Variants in PIEZO2 observed in about 807,000 individuals in gnomAD.
PIEZO2 encodes piezo type mechanosensitive ion channel component 2, also known as piezo-type mechanosensitive ion channel component 2.
A neutral mutation model predicts 337.3 loss-of-function variants in PIEZO2; 172 were observed. The ratio of observed to expected loss-of-function variants is 0.51; its 90% CI spans 0.45 to 0.58. The LOEUF is 0.58. PIEZO2 is among the 20% of genes least tolerant of loss of function. The pLI is 0.00. For missense variants in PIEZO2, 3,028 were observed against 3,391.3 expected, an observed-to-expected ratio of 0.89 and a Z score of 2.66; for synonymous variants, 1,251 against 1,228.5, an observed-to-expected ratio of 1.02 and a Z score of -0.38.
At chr18:11,071,953 CG>C (rs1485437249) in intron 1 of PIEZO2, among the ~76,000 whole-genome samples, 1 of 151,202 alleles carries the variant, frequency 6.6e-6, no homozygotes, top group Non-Finnish European at 1.5e-5. Context: ...GCCCATCCTG[CG>C]CTCCATGCTA....
intron 3 of PIEZO2, among the ~76,000 whole-genome samples, chr18:10,936,941 C>T (rs1316293927): frequency 6.6e-6 from 1 of 152,116 alleles, no homozygotes; most frequent in Non-Finnish European, 1.5e-5. Context: ...GTGAATCCCC[C>T]CATGACTTCT....
intron 51 of PIEZO2, 98 bp from the exon 52 acceptor site, chr18:10,680,469 G>T (rs1399775243): frequency 3.4e-6 from 4 of 1,168,662 alleles, no homozygotes; most frequent in African/African-American, 1.5e-5. Flanking sequence ...TATGGAAAAG[G>T]TTTCTCCCTT....
At chr18:10,723,639 T>C (rs904127052) in intron 36 of PIEZO2, among the ~76,000 whole-genome samples, 20 of 152,116 alleles carry the variant, frequency 1.3e-4, no homozygotes, top group African/African-American at 4.3e-4. Flanking sequence ...AGGGAGTTGC[T>C]GACCAGACAA....
chr18:10,834,511 G>C lies in PIEZO2; in HGVS notation c.917+20842C>G, dbSNP rs4797486. 0.36 allele frequency among the ~76,000 whole-genome samples: 54,499 copies of C among 152,036 alleles called. 10,471 individuals are homozygous for C. Among genetic ancestry groups the C allele is most frequent in the East Asian group, 0.63 (3,233 of 5,148 alleles). Reference sequence around the variant, plus strand: ...GCCGGCTTCCCCTTTAATCCCTCATGATGGAGTCACAGAGTCTTTTTGGGA... The same window carrying C: ...GCCGGCTTCCCCTTTAATCCCTCATCATGGAGTCACAGAGTCTTTTTGGGA... On this transcript the variant is annotated intron_variant, in intron 7 of 55. Transcript: ENST00000674853. The surrounding 1 kb of genome is among the most constrained non-coding windows in gnomAD (Gnocchi z 4.5).
chr18:10,955,055 C>T (rs2033457875), intron 3 of PIEZO2, among the ~76,000 whole-genome samples: 1 of 151,916 alleles, frequency 6.6e-6, no homozygotes, highest in African/African-American at 2.4e-5. Context: ...GAAAGAGGGG[C>T]ACAAAAGGAA....
chr18:10,987,493 A>AAAGT (rs1568269321), intron 2 of PIEZO2, among the ~76,000 whole-genome samples: 1 of 152,104 alleles, frequency 6.6e-6, no homozygotes, highest in African/African-American at 2.4e-5. Flanking sequence ...GTATTGGGAA[A>AAAGT]ATTGGATTAC....
At chr18:10,705,236 AC>A (rs2035526339) in intron 41 of PIEZO2, 99 bp downstream of exon 41, 1 of 1,378,172 alleles carries the variant, frequency 7.3e-7, no homozygotes. Flanking sequence ...GTCCAGATGA[AC>A]TTTTTTCTAT....
chr18:10,780,200 A>G (rs2038930408), intron 18 of PIEZO2, 125 bp downstream of exon 18: 2 of 657,046 alleles, frequency 3.0e-6, no homozygotes, highest in Non-Finnish European at 5.6e-6. Context: ...TACATCCATG[A>G]GCATACCTGA....
At chr18:10,924,185 T>C (rs558325479) in intron 3 of PIEZO2, among the ~76,000 whole-genome samples, 28 of 152,278 alleles carry the variant, frequency 1.8e-4, no homozygotes, top group African/African-American at 6.7e-4. Context: ...GAAGCAAAAG[T>C]GTGAGTTAAA....
intron 13 of PIEZO2, among the ~76,000 whole-genome samples, chr18:10,793,406 G>C (rs2039476650): frequency 6.6e-6 from 1 of 152,152 alleles, no homozygotes; most frequent in Admixed American, 6.5e-5. Context: ...GGTTCCCGGA[G>C]TAACTCTTTT....
chr18:10,695,900 T>C (rs1210503668), intron 47 of PIEZO2, among the ~76,000 whole-genome samples, 174 bp downstream of exon 47: 1 of 152,236 alleles, frequency 6.6e-6, no homozygotes, highest in Non-Finnish European at 1.5e-5. Context: ...CAGTTCACAC[T>C]TTGGATTTGC....
rs2033864971 is a variant in PIEZO2 at position 10,673,444 on chromosome 18, T to C, written c.8162-571A>G. 6.6e-6 allele frequency among the ~76,000 whole-genome samples: 1 copy of C among 152,164 alleles called. No homozygotes were observed. Among genetic ancestry groups the C allele is most frequent in the African/African-American group, 2.4e-5 (1 of 41,438 alleles). On this transcript the variant is annotated intron_variant, in intron 54 of 55. Transcript: ENST00000674853. The surrounding 1 kb of genome is among the most constrained non-coding windows in gnomAD (Gnocchi z 4.8). ...GACCACTTCTGGATAGTATGCTCCA[T>C]GGGTGCTTCACAGAGGAGATAACTT...
chr18:10,677,884 A>G lies in PIEZO2; in HGVS notation c.7953-9T>C, dbSNP rs75769041. 4.7e-6 allele frequency: 1 copy of G among 212,408 alleles called. No individual in the cohort carries two copies. 13.2% of individuals were successfully genotyped at this position (212,408 alleles called of 1,614,324 possible). On this transcript the variant is annotated splice_polypyrimidine_tract_variant and intron_variant, in intron 52 of 55. Transcript: ENST00000674853. The surrounding 1 kb of genome is among the most constrained non-coding windows in gnomAD (Gnocchi z 4.1). ...CACCCAGACTTAAGTTTCTGTGAAG[A>G]AAAAAAAAAAGCTTAATGTCAGTGA... is the stretch of plus-strand genomic sequence containing the variant.
intron 3 of PIEZO2, among the ~76,000 whole-genome samples, chr18:10,950,748 G>A (rs541409672): frequency 4.6e-5 from 7 of 152,002 alleles, no homozygotes; most frequent in African/African-American, 7.2e-5. Context: ...TACCAAATCC[G>A]AGCTTCCTCG....
intron 2 of PIEZO2, among the ~76,000 whole-genome samples, chr18:11,053,157 A>T (rs1246404934): frequency 6.6e-6 from 1 of 152,202 alleles, no homozygotes; most frequent in Non-Finnish European, 1.5e-5. Flanking sequence ...TTAAATTAAT[A>T]AATTCATGTA....
At chr18:10,955,326 G>A (rs1396570791) in intron 3 of PIEZO2, among the ~76,000 whole-genome samples, 2 of 152,192 alleles carry the variant, frequency 1.3e-5, no homozygotes, top group Non-Finnish European at 2.9e-5. Context: ...AAGAGAGCAA[G>A]GAGACAGCTA....
At chr18:10,832,870 C>G (rs1163571469) in intron 7 of PIEZO2, among the ~76,000 whole-genome samples, 1 of 152,176 alleles carries the variant, frequency 6.6e-6, no homozygotes, top group Non-Finnish European at 1.5e-5. Flanking sequence ...TGATCAGCAC[C>G]TCAGGTAACT....
intron 2 of PIEZO2, among the ~76,000 whole-genome samples, chr18:10,983,798 T>A (rs1433270602): frequency 6.6e-6 from 1 of 152,086 alleles, no homozygotes; most frequent in East Asian, 1.9e-4. Flanking sequence ...AGCACACAGA[T>A]CTCAACATGT....
intron 3 of PIEZO2, among the ~76,000 whole-genome samples, chr18:10,971,906 T>A (rs1342155202): frequency 6.6e-6 from 1 of 152,106 alleles, no homozygotes; most frequent in African/African-American, 2.4e-5. Flanking sequence ...ATGAGCAGCC[T>A]AAGGCGAGGC....
Sources: allele counts gnomAD v4.1 joint callset (sites outside exome capture counted in the v4.1 genomes callset), GRCh38; gene constraint gnomAD v4.1.1; non-coding constraint Gnocchi (gnomAD v3.1); transcripts MANE v1.5; gene names NCBI Gene and HGNC (gene_info 2026-07-23, HGNC 2026-07-21).